Variants in RGS6 observed in about 807,000 individuals in gnomAD.
RGS6 encodes regulator of G-protein signaling 6.
In RGS6, 30 loss-of-function variants were observed where a neutral mutation model predicts 78.5. That is an observed-to-expected ratio of 0.38 (90% CI 0.29 to 0.52). The LOEUF is 0.52. RGS6 is among the 20% of genes least tolerant of loss of function. The pLI is 0.85. For synonymous variants in RGS6, 206 were observed against 206.0 expected (o/e 1.00, Z 0.00); for missense variants, 495 against 609.7 (o/e 0.81, Z 1.98).
At chr14:72,242,126 T>C (rs1180850195) in intron 2 of RGS6, among the ~76,000 whole-genome samples, 1 of 152,134 alleles carries the variant, frequency 6.6e-6, no homozygotes, top group African/African-American at 2.4e-5. Flanking sequence ...GAAAAGACAA[T>C]ATTTATTTAC....
intron 2 of RGS6, among the ~76,000 whole-genome samples, chr14:72,302,584 C>G (rs1297205298): frequency 6.6e-6 from 1 of 152,096 alleles, no homozygotes; most frequent in Non-Finnish European, 1.5e-5. Context: ...TTTGAAATTT[C>G]AGAACCTGCA....
At chr14:72,202,328 A>AAG (rs2041752085) in intron 2 of RGS6, among the ~76,000 whole-genome samples, 1 of 152,234 alleles carries the variant, frequency 6.6e-6, no homozygotes, top group Admixed American at 6.5e-5. Flanking sequence ...ATCTCTTAGG[A>AAG]AGAGGAGTGG....
At chr14:72,383,213 T>TATATATATATACACAC (rs1387301746) in intron 3 of RGS6, among the ~76,000 whole-genome samples, 21 of 118,334 alleles carry the variant, frequency 1.8e-4, no homozygotes, top group African/African-American at 6.3e-4. Flanking sequence ...TATATATATA[T>TATATATATATACACAC]ACACACAAAC....
At chr14:72,290,443 TCTTC>T (rs2063380885) in intron 2 of RGS6, among the ~76,000 whole-genome samples, 1 of 152,204 alleles carries the variant, frequency 6.6e-6, no homozygotes, top group Non-Finnish European at 1.5e-5. Flanking sequence ...CTGCCAGCCC[TCTTC>T]CTTCCTCAGC....
chr14:72,590,954 T>C, the RGS6 span, among the ~76,000 whole-genome samples: 40 of 152,346 alleles, frequency 2.6e-4, no homozygotes, highest in African/African-American at 8.7e-4. Flanking sequence ...AGCTATACCA[T>C]TTTTATTTAC....
At chr14:71,948,935 G>A (rs1485690317) in intron 1 of RGS6, among the ~76,000 whole-genome samples, 2 of 151,766 alleles carry the variant, frequency 1.3e-5, no homozygotes, top group African/African-American at 2.4e-5. Context: ...ATATATGCCT[G>A]TACACTTTCT....
At chr14:72,095,848 A>G (rs1272174043) in intron 2 of RGS6, among the ~76,000 whole-genome samples, 2 of 152,240 alleles carry the variant, frequency 1.3e-5, no homozygotes, top group African/African-American at 4.8e-5. Context: ...ATGCTGGTGC[A>G]TTGTCTACAT....
chr14:72,135,321 G>A (rs1412459594), intron 2 of RGS6, among the ~76,000 whole-genome samples: 5 of 152,118 alleles, frequency 3.3e-5, no homozygotes, highest in African/African-American at 1.2e-4. Context: ...GTGAGGCAGA[G>A]ACTCGCTTGG....
intron 2 of RGS6, among the ~76,000 whole-genome samples, chr14:72,235,267 A>G (rs1341375912): frequency 1.3e-5 from 2 of 152,116 alleles, no homozygotes; most frequent in Admixed American, 1.3e-4. Flanking sequence ...AGGTGACAGA[A>G]GGGAGGAAAA....
chr14:72,413,200 T>C (rs1475589019), intron 3 of RGS6, among the ~76,000 whole-genome samples: 1 of 152,184 alleles, frequency 6.6e-6, no homozygotes, highest in Admixed American at 6.5e-5. Context: ...TGTGTGGGAG[T>C]CTAAGTCTCT....
chr14:72,049,931 AATATATAC>A (rs2093122569), intron 2 of RGS6, among the ~76,000 whole-genome samples: 1 of 152,164 alleles, frequency 6.6e-6, no homozygotes, highest in Admixed American at 6.5e-5. Context: ...AGTGACACTA[AATATATAC>A]ATATATATAG....
rs544887738 is a variant in RGS6 at position 72,261,680 on chromosome 14, T to C, written c.85-90415T>C. Among the ~76,000 whole-genome samples the C allele has an allele frequency of 2.0e-5, 3 of 152,256 alleles. No individual in the cohort carries two copies. The East Asian group carries it at 5.8e-4, about 29-fold the overall frequency. ...AGAGACATTGAGATTCCAATATGAA[T>C]CTCTCCACAGAAGGAGGCACCTTCT... On this transcript the variant is annotated intron_variant, in intron 2 of 17. Transcript: ENST00000553525.
chr14:72,130,021 G>C (rs1398464120), intron 2 of RGS6, among the ~76,000 whole-genome samples: 1 of 152,128 alleles, frequency 6.6e-6, no homozygotes. Context: ...GCTGAAAGTG[G>C]AATATGCCCA....
intron 2 of RGS6, among the ~76,000 whole-genome samples, chr14:72,244,181 G>A: frequency 6.6e-6 from 1 of 152,086 alleles, no homozygotes. Flanking sequence ...GCTAGAATGG[G>A]AGGCAAGGAA....
At chr14:72,054,490 C>G (rs963035850) in intron 2 of RGS6, among the ~76,000 whole-genome samples, 1 of 152,044 alleles carries the variant, frequency 6.6e-6, no homozygotes, top group African/African-American at 2.4e-5. Context: ...AATCATTGAA[C>G]GTCCCTTGAA....
intron 3 of RGS6, among the ~76,000 whole-genome samples, chr14:72,402,181 C>T (rs2092475852): frequency 6.6e-6 from 1 of 152,142 alleles, no homozygotes; most frequent in South Asian, 2.1e-4. Context: ...ACCCATTGGT[C>T]CATTCCGTCC....
In RGS6 at chr14:72,088,774, T is replaced by C. The variant is rs548400007; in HGVS notation, c.84+123899T>C. Among the ~76,000 whole-genome samples the C allele has an allele frequency of 8.5e-5, 13 of 152,228 alleles. No homozygotes were observed. The South Asian group carries it at 2.7e-3, about 32-fold the overall frequency. ...CTCTCCATGCTCTAGCCCCTGCCTA[T>C]GTTCCCCTCCTCATCATGCCTTTCT... On this transcript the variant is annotated intron_variant, in intron 2 of 17. Coordinates refer to ENST00000553525, the MANE Select transcript of RGS6 (RefSeq NM_001204424.2).
rs150742927 is a variant in RGS6 at position 72,481,873 on chromosome 14, A to G, written c.854+3544A>G. Among the ~76,000 whole-genome samples, 660 of 146,700 alleles carry G rather than the reference A, an allele frequency of 4.5e-3. 4 individuals carry two copies. The highest frequency in any genetic ancestry group is 0.016 in the African/African-American group (611 of 39,070). On this transcript the variant is annotated intron_variant, in intron 12 of 17. Coordinates refer to ENST00000553525, the MANE Select transcript of RGS6 (RefSeq NM_001204424.2). Reference sequence around the variant, plus strand: ...GCCCAGGCTGGAGTGCAGTGGTGCAATCTCGGCTCACTGCAAGCTCCGCCT... The same window carrying G: ...GCCCAGGCTGGAGTGCAGTGGTGCAGTCTCGGCTCACTGCAAGCTCCGCCT...
At chr14:72,456,872 G>A (rs966091385) in intron 4 of RGS6, among the ~76,000 whole-genome samples, 3 of 151,794 alleles carry the variant, frequency 2.0e-5, no homozygotes, top group Admixed American at 6.6e-5. Context: ...GAGCCCAGGA[G>A]TTCAAGACCA....
Sources: gnomAD v4.1 joint callset for allele counts (sites outside exome capture counted in the v4.1 genomes callset) on GRCh38, gnomAD v4.1.1 for gene constraint, MANE v1.5 for transcripts, NCBI Gene and HGNC (gene_info 2026-07-23, HGNC 2026-07-21) for gene names.